The following TRMT11 variants were observed in gnomAD, a reference collection of about 807,000 sequenced individuals.
TRMT11 encodes the protein tRNA methyltransferase 11.
A neutral mutation model predicts 62.8 loss-of-function variants in TRMT11; 53 were observed. The observed-to-expected ratio is 0.84, with a 90% confidence interval of 0.68 to 1.06. The LOEUF (loss-of-function observed/expected upper bound fraction) is 1.06, where lower values mean the gene tolerates loss of function less well. Among genes scored for constraint, TRMT11 ranks in the 50% least tolerant of loss-of-function variants. The pLI, the probability that TRMT11 is intolerant of heterozygous loss-of-function variation, is 0.00. For missense variants in TRMT11, 556 were observed against 553.4 expected (o/e 1.00, Z -0.05); for synonymous variants, 188 against 190.3 (o/e 0.99, Z 0.10).
chr6:125,998,172 C>G, intron 4 of TRMT11, 38 bp downstream of exon 4: 1 of 1,593,904 alleles, frequency 6.3e-7, no homozygotes, highest in Non-Finnish European at 8.6e-7. Context: ...GGCATGCGTG[C>G]AGATTCTGTA....
intron 1 of TRMT11, among the ~76,000 whole-genome samples, chr6:126,198,580 C>T (rs1292089080): frequency 6.6e-6 from 1 of 152,162 alleles, no homozygotes; most frequent in Non-Finnish European, 1.5e-5. Context: ...GGCTGTAAAT[C>T]CCACAGTGAA....
intron 7 of TRMT11, among the ~76,000 whole-genome samples, chr6:126,001,606 T>C (rs1039744899): frequency 5.3e-5 from 8 of 152,108 alleles, no homozygotes; most frequent in African/African-American, 1.9e-4. Flanking sequence ...CTGGTGGTTT[T>C]ATTTTATTTT....
intron 21 of TRMT11, among the ~76,000 whole-genome samples, chr6:126,161,757 C>T (rs571341051): frequency 1.2e-4 from 19 of 152,300 alleles, no homozygotes; most frequent in Non-Finnish European, 4.4e-5. Context: ...TGTTTCTTGA[C>T]TTTTTAATGA....
intron 21 of TRMT11, among the ~76,000 whole-genome samples, chr6:126,142,184 G>A (rs186372854): frequency 7.6e-4 from 116 of 152,190 alleles, no homozygotes; most frequent in Non-Finnish European, 9.3e-4. Context: ...AGAAGAAGAT[G>A]TGTGATACAT....
chr6:126,024,971 A>T (rs1339578486), intron 12 of TRMT11, among the ~76,000 whole-genome samples: 1 of 152,216 alleles, frequency 6.6e-6, no homozygotes, highest in Non-Finnish European at 1.5e-5. Flanking sequence ...AAAAACAAAC[A>T]TTACCTGTAG....
chr6:126,136,589 C>T (rs1303698774), intron 21 of TRMT11, among the ~76,000 whole-genome samples: 1 of 151,486 alleles, frequency 6.6e-6, no homozygotes, highest in African/African-American at 2.4e-5. Context: ...AAGTGAACTA[C>T]AATCAAAACA....
intron 11 of TRMT11, among the ~76,000 whole-genome samples, chr6:126,017,632 T>C (rs1795177972): frequency 6.6e-6 from 1 of 152,228 alleles, no homozygotes; most frequent in Non-Finnish European, 1.5e-5. Flanking sequence ...AATCTAGTCA[T>C]TTTTCTAGGC....
Position 126,109,923 on chromosome 6 carries a change from G to A in TRMT11, c.*1438-2943G>A, listed in dbSNP as rs150671962. On this transcript the variant is annotated intron_variant and NMD_transcript_variant, in intron 17 of 22. Coordinates refer to the TRMT11 transcript ENST00000648977. ...TGGCAGAATTATTGTACAAGACCAGGTCTGGGTTGGCACCAAGCATGACTT... is the reference window on the plus strand; with the variant it reads ...TGGCAGAATTATTGTACAAGACCAGATCTGGGTTGGCACCAAGCATGACTT... 2.0e-3 allele frequency among the ~76,000 whole-genome samples: 310 copies of A among 152,280 alleles called. 6 individuals are homozygous for A. In the South Asian group the frequency reaches 0.038, roughly 19 times the overall value.
Position 126,001,999 on chromosome 6 carries a change from T to A in TRMT11, c.679+2386T>A, listed in dbSNP as rs546043220. On this transcript the variant is annotated intron_variant, in intron 7 of 12. Coordinates refer to ENST00000334379, the MANE Select transcript of TRMT11 (RefSeq NM_001031712.3). The stretch of plus-strand genomic sequence containing the variant: ...AAATTGTGATTTGCCCAGTGAGAGC[T>A]CTTTCACATTGAATCTGTCTTTGTG... 9.2e-5 allele frequency among the ~76,000 whole-genome samples: 14 copies of A among 152,288 alleles called. 1 individual carries two copies. Among genetic ancestry groups the A allele is most frequent in the Admixed American group, 6.5e-4 (10 of 15,292 alleles).
chr6:126,196,858 AT>A (rs1165036995), intron 1 of TRMT11, among the ~76,000 whole-genome samples: 8 of 152,148 alleles, frequency 5.3e-5, no homozygotes, highest in Middle Eastern at 3.4e-3. Context: ...GGGAATTAAA[AT>A]TTTTTTTAAA....
chr6:126,065,301 ACTC>A (rs763126591), intron 17 of TRMT11, among the ~76,000 whole-genome samples: 2 of 151,724 alleles, frequency 1.3e-5, no homozygotes, highest in African/African-American at 4.8e-5. Context: ...CTGCTGGAGA[ACTC>A]CTGCCACGAT....
intron 21 of TRMT11, among the ~76,000 whole-genome samples, chr6:126,126,444 A>C (rs1030319272): frequency 2.0e-5 from 3 of 152,224 alleles, no homozygotes; most frequent in Admixed American, 2.0e-4. Flanking sequence ...GAAATCCATA[A>C]TTTATTTGAT....
At chr6:126,106,255 T>A (rs879408241) in intron 17 of TRMT11, among the ~76,000 whole-genome samples, 9 of 152,092 alleles carry the variant, frequency 5.9e-5, no homozygotes, top group Non-Finnish European at 1.2e-4. Context: ...GTGATTCTCC[T>A]GCCTCAGCCT....
intron 17 of TRMT11, among the ~76,000 whole-genome samples, chr6:126,079,969 G>A (rs1335242475): frequency 6.6e-6 from 1 of 152,196 alleles, no homozygotes; most frequent in Non-Finnish European, 1.5e-5. Flanking sequence ...TGATCAGAAA[G>A]CGTTAGATCT....
chr6:126,011,166 G>T, intron 8 of TRMT11, 87 bp from the exon 9 acceptor site: 1 of 1,146,938 alleles, frequency 8.7e-7, no homozygotes, highest in Non-Finnish European at 1.2e-6. Context: ...GTAGGTTTCA[G>T]TGAGTTAAAA....
At chr6:126,096,335 C>G (rs1048963489) in intron 17 of TRMT11, among the ~76,000 whole-genome samples, 1 of 152,076 alleles carries the variant, frequency 6.6e-6, no homozygotes, top group Non-Finnish European at 1.5e-5. Flanking sequence ...CTATGGGTAT[C>G]TCCAGGAAAC....
At chr6:126,222,555 A>G in the TRMT11 span, among the ~76,000 whole-genome samples, 5 of 151,776 alleles carry the variant, frequency 3.3e-5, no homozygotes, top group Admixed American at 1.3e-4. Flanking sequence ...GGTTAGCTGC[A>G]TTCCTAGGTA....
At chr6:126,211,846 G>C in the TRMT11 span, among the ~76,000 whole-genome samples, 14 of 151,868 alleles carry the variant, frequency 9.2e-5, no homozygotes, top group African/African-American at 3.4e-4. Context: ...CAGTTTCCCT[G>C]TTGTGCTGTC....
the TRMT11 span, among the ~76,000 whole-genome samples, chr6:126,262,146 A>G: frequency 6.6e-6 from 1 of 152,180 alleles, no homozygotes; most frequent in African/African-American, 2.4e-5. Context: ...CTCTTCCACC[A>G]TACCAGCTGT....
Sources: gnomAD v4.1 joint callset for allele counts (sites outside exome capture counted in the v4.1 genomes callset) on GRCh38, gnomAD v4.1.1 for gene constraint, MANE v1.5 for transcripts, NCBI Gene and HGNC (gene_info 2026-07-23, HGNC 2026-07-21) for gene names.